UBE2H: variants seen among roughly 807,000 people sequenced by gnomAD.
UBE2H encodes ubiquitin-conjugating enzyme E2 H.
Under a neutral mutation model 29.0 loss-of-function variants are expected in UBE2H, and 3 were observed. The ratio of observed to expected loss-of-function variants is 0.10; its 90% confidence interval spans 0.05 to 0.27. The LOEUF (loss-of-function observed/expected upper bound fraction) is 0.27. UBE2H is among the 10% of genes least tolerant of loss of function. The pLI is 1.00. For missense variants in UBE2H, 68 were observed against 228.2 expected (o/e 0.30, Z 4.52); for synonymous variants, 69 against 82.9 (o/e 0.83, Z 0.91).
chr7:129,916,776 C>T (rs1807052447), intron 1 of UBE2H, among the ~76,000 whole-genome samples: 1 of 152,132 alleles, frequency 6.6e-6, no homozygotes, highest in Non-Finnish European at 1.5e-5. Flanking sequence ...CGGTGGCTCA[C>T]ACCTGTAATT....
At chr7:129,929,178 G>A (rs973329858) in intron 1 of UBE2H, among the ~76,000 whole-genome samples, 2 of 152,072 alleles carry the variant, frequency 1.3e-5, no homozygotes, top group African/African-American at 2.4e-5. Flanking sequence ...ATTAGCTGGC[G>A]TGGTGGCACA....
chr7:129,919,369 AC>A (rs1483775478), intron 1 of UBE2H, among the ~76,000 whole-genome samples: 1 of 152,080 alleles, frequency 6.6e-6, no homozygotes, highest in African/African-American at 2.4e-5. Context: ...TCCTGTTAAC[AC>A]CCTACTTAAA....
intron 1 of UBE2H, among the ~76,000 whole-genome samples, chr7:129,938,876 G>A (rs1807586785): frequency 6.6e-6 from 1 of 151,460 alleles, no homozygotes; most frequent in Admixed American, 6.6e-5. Flanking sequence ...TCGGCTCCCT[G>A]CAACCTCCAC....
At chr7:129,840,263 G>A (rs115968853) in intron 5 of UBE2H, among the ~76,000 whole-genome samples, 205 of 152,074 alleles carry the variant, frequency 1.3e-3, no homozygotes, top group African/African-American at 4.8e-3. Flanking sequence ...ATACCTCACT[G>A]CAACTTCAAA....
chr7:129,842,719 A>G (rs1359370201), intron 5 of UBE2H, among the ~76,000 whole-genome samples: 1 of 151,642 alleles, frequency 6.6e-6, no homozygotes, highest in African/African-American at 2.4e-5. Flanking sequence ...CTTGGCCAAC[A>G]CGGTGAAATC....
rs530804766 is a variant in UBE2H, at chr7:129,888,799, C to G, written c.54-7828G>C. ...CACAAAAACTACTCTTACACAGAGA[C>G]TGCCTTCCAGAAGTTTGAAGTCTAG... On this transcript the variant is annotated intron_variant, in intron 1 of 6. Transcript: ENST00000355621. Among the ~76,000 whole-genome samples the G allele has an allele frequency of 3.9e-5, 6 of 152,270 alleles. No individual in the cohort carries two copies. The East Asian group carries it at 1.2e-3, about 29-fold the overall frequency.
At chr7:129,907,708 A>G (rs2727476) in intron 1 of UBE2H, among the ~76,000 whole-genome samples, 144,053 of 152,244 alleles carry the variant, frequency 0.95, 68,552 homozygotes, top group East Asian at 1. Context: ...CATCATTGTG[A>G]CGAGGTATAC....
At chr7:129,937,833 T>C (rs1248496381) in intron 1 of UBE2H, among the ~76,000 whole-genome samples, 1 of 152,194 alleles carries the variant, frequency 6.6e-6, no homozygotes, top group African/African-American at 2.4e-5. Flanking sequence ...ATTATCAAGA[T>C]GGTGGCTATG....
chr7:129,939,088 C>CA (rs1460917622), intron 1 of UBE2H, among the ~76,000 whole-genome samples: 1 of 152,182 alleles, frequency 6.6e-6, no homozygotes, highest in African/African-American at 2.4e-5. Context: ...CATGAGCCAC[C>CA]ACGCCCGGCC....
At chr7:129,909,881 A>C (rs1806895095) in intron 1 of UBE2H, among the ~76,000 whole-genome samples, 1 of 152,170 alleles carries the variant, frequency 6.6e-6, no homozygotes, top group Non-Finnish European at 1.5e-5. Context: ...TGGAGCCACA[A>C]GCAAACAGCT....
chr7:129,865,605 G>A (rs1805889075), intron 3 of UBE2H, among the ~76,000 whole-genome samples: 1 of 152,206 alleles, frequency 6.6e-6, no homozygotes, highest in African/African-American at 2.4e-5. Context: ...CTACATCCCA[G>A]GGATAAAATA....
At position 129,831,196 on chromosome 7, in the gene UBE2H, AG is replaced by A. The variant is rs1328253790; in HGVS notation, c.*3740del. 7 of 152,250 alleles carry A rather than the reference AG, an allele frequency of 4.6e-5. No individual in the cohort carries two copies. The highest frequency in any genetic ancestry group is 1.7e-4 in the African/African-American group (7 of 41,468). 9.4% of individuals were successfully genotyped at this position (152,250 alleles called of 1,614,324 possible). ...GAGAAAGCACAAACATGGATTCAGA[AG>A]TCCAAAGAAATGCAGTTCGTTGCGC... On this transcript the variant is annotated 3_prime_UTR_variant, in exon 7 of 7. Coordinates refer to ENST00000355621, the MANE Select transcript of UBE2H (RefSeq NM_003344.4).
chr7:129,848,458 A>G (rs2116291397), intron 5 of UBE2H, among the ~76,000 whole-genome samples: 1 of 152,370 alleles, frequency 6.6e-6, no homozygotes, highest in East Asian at 1.9e-4. Context: ...GCTGACAGGA[A>G]AGGAAAGAAA....
intron 5 of UBE2H, among the ~76,000 whole-genome samples, chr7:129,851,646 T>A (rs557801372): frequency 6.6e-6 from 1 of 152,334 alleles, no homozygotes; most frequent in South Asian, 2.1e-4. Flanking sequence ...AAGTAGAGCA[T>A]AGCTGTGGCT....
At chr7:129,904,929 T>TAA in intron 1 of UBE2H, among the ~76,000 whole-genome samples, 1 of 152,144 alleles carries the variant, frequency 6.6e-6, no homozygotes, top group South Asian at 2.1e-4. Flanking sequence ...CAAGAGGTGG[T>TAA]GATGCTGGCT....
intron 1 of UBE2H, among the ~76,000 whole-genome samples, chr7:129,895,957 A>G (rs778973592): frequency 6.6e-6 from 1 of 152,190 alleles, no homozygotes; most frequent in Non-Finnish European, 1.5e-5. Context: ...GCTCAACACA[A>G]AGCAACTTCT....
At chr7:129,935,547 T>C (rs1807510628) in intron 1 of UBE2H, among the ~76,000 whole-genome samples, 1 of 152,202 alleles carries the variant, frequency 6.6e-6, no homozygotes, top group Non-Finnish European at 1.5e-5. Context: ...ACAGCACTTA[T>C]TCTATTCTTT....
At chr7:129,926,107 T>C (rs1807263199) in intron 1 of UBE2H, among the ~76,000 whole-genome samples, 2 of 152,242 alleles carry the variant, frequency 1.3e-5, no homozygotes, top group South Asian at 2.1e-4. Flanking sequence ...CTGAAGCCTA[T>C]AGTTATTCCA....
chr7:129,905,076 T>C (rs1477550894), intron 1 of UBE2H, among the ~76,000 whole-genome samples: 1 of 152,112 alleles, frequency 6.6e-6, no homozygotes, highest in Non-Finnish European at 1.5e-5. Context: ...ACAAGCCATT[T>C]GAAAGAGAAA....
Sources: gnomAD v4.1 joint callset for allele counts (sites outside exome capture counted in the v4.1 genomes callset) on GRCh38, gnomAD v4.1.1 for gene constraint, MANE v1.5 for transcripts, NCBI Gene and HGNC (gene_info 2026-07-23, HGNC 2026-07-21) for gene names.